The following LPP variants were observed in gnomAD, a reference collection of about 807,000 sequenced individuals.
LPP encodes lipoma-preferred partner.
In LPP, 38 loss-of-function variants were observed where a neutral mutation model predicts 60.4. The observed-to-expected ratio is 0.63, with a 90% CI of 0.49 to 0.83. LPP has a LOEUF of 0.83. Among genes scored for constraint, LPP ranks in the 40% least tolerant of loss-of-function variants. LPP has a pLI of 0.00. For missense variants in LPP, 902 were observed against 783.6 expected, an observed-to-expected ratio of 1.15 and a Z score of -1.80; for synonymous variants, 328 against 290.8, an observed-to-expected ratio of 1.13 and a Z score of -1.30.
rs759741756 is a variant in LPP at position 188,487,075 on chromosome 3, C to T, written c.306+2371C>T. Among the ~76,000 whole-genome samples the T allele has an allele frequency of 1.4e-4, 22 of 152,132 alleles. 1 individual carries two copies. Among genetic ancestry groups the T allele is most frequent in the Non-Finnish European group, 2.6e-4 (18 of 68,012 alleles). The stretch of plus-strand genomic sequence containing the variant: ...TGTTGCATTTTAAATCTTTAGTTCT[C>T]ACAATGTTATTTGAAGTAGTGACAG... On this transcript the variant is annotated intron_variant, in intron 5 of 11. Transcript: ENST00000617246.
chr3:188,428,580 CTA>C (rs5855196), intron 4 of LPP, among the ~76,000 whole-genome samples: 19 of 137,432 alleles, frequency 1.4e-4, no homozygotes, highest in Admixed American at 3.7e-4. Context: ...GGGATGGGCA[CTA>C]TATATATATA....
intron 3 of LPP, among the ~76,000 whole-genome samples, chr3:188,344,807 C>G (rs1348236516): frequency 6.6e-6 from 1 of 152,152 alleles, no homozygotes; most frequent in Admixed American, 6.5e-5. Flanking sequence ...ACTTGCAATT[C>G]CTTGTTAGGA....
At chr3:188,453,355 G>C (rs907642887) in intron 4 of LPP, among the ~76,000 whole-genome samples, 1 of 152,058 alleles carries the variant, frequency 6.6e-6, no homozygotes, top group Non-Finnish European at 1.5e-5. Flanking sequence ...CCAGGCTGGA[G>C]TGTAGACCTG....
chr3:188,214,329 C>T lies in LPP; in HGVS notation c.-189-11076C>T, dbSNP rs571341766. On this transcript the variant is annotated intron_variant, in intron 1 of 11. Coordinates refer to ENST00000617246, the MANE Select transcript of LPP (RefSeq NM_001375462.1). Reference sequence around the variant, plus strand: ...TATTTTTAGTAGAGACAGGGTTTCACCACGTTGGCCAGGCTGGTCTCAAAC... The same window carrying T: ...TATTTTTAGTAGAGACAGGGTTTCATCACGTTGGCCAGGCTGGTCTCAAAC... Among the ~76,000 whole-genome samples the T allele has an allele frequency of 1.7e-4, 26 of 152,192 alleles. No individual in the cohort carries two copies. The South Asian group carries it at 3.5e-3, about 21-fold the overall frequency.
At chr3:188,823,719 A>C (rs1167825381) in intron 9 of LPP, among the ~76,000 whole-genome samples, 1 of 152,208 alleles carries the variant, frequency 6.6e-6, no homozygotes, top group East Asian at 1.9e-4. Context: ...TCAGTTGGTA[A>C]AGATTCTATT....
intron 2 of LPP, among the ~76,000 whole-genome samples, chr3:188,336,747 G>A (rs1357547484): frequency 6.6e-6 from 1 of 152,124 alleles, no homozygotes; most frequent in Non-Finnish European, 1.5e-5. Flanking sequence ...CAGCGTATTA[G>A]AGTTGTTTTC....
intron 6 of LPP, among the ~76,000 whole-genome samples, chr3:188,551,238 G>A (rs1395013891): frequency 6.6e-6 from 1 of 152,142 alleles, no homozygotes. Flanking sequence ...GAGAGAAAAT[G>A]AGGACGATGC....
chr3:188,237,612 A>G lies in LPP; in HGVS notation c.-67+12085A>G, dbSNP rs75143977. Among the ~76,000 whole-genome samples, 197 of 152,308 alleles carry G rather than the reference A, an allele frequency of 1.3e-3. 1 individual carries two copies. Among genetic ancestry groups the G allele is most frequent in the African/African-American group, 4.5e-3 (189 of 41,562 alleles). ...AACATTAATCTCTTTGTATATCTCC[A>G]TCAGAGATCTTGTGTGACCAGGTAT... is the stretch of plus-strand genomic sequence containing the variant. On this transcript the variant is annotated intron_variant, in intron 2 of 11. Transcript: ENST00000617246.
chr3:188,459,868 G>A (rs949724145), intron 4 of LPP, among the ~76,000 whole-genome samples: 1 of 152,014 alleles, frequency 6.6e-6, no homozygotes, highest in Admixed American at 6.6e-5. Flanking sequence ...CTGAGATCAG[G>A]AGAATGCCCT....
chr3:188,479,392 T>C (rs1230446028), intron 4 of LPP, among the ~76,000 whole-genome samples: 1 of 152,220 alleles, frequency 6.6e-6, no homozygotes, highest in Admixed American at 6.5e-5. Flanking sequence ...AAATGCAGAA[T>C]CTCTGGCTCC....
In LPP at chr3:188,882,299, C is replaced by G. The variant is rs1218033376; in HGVS notation, c.*7820C>G. 2 of 224,708 alleles carry G rather than the reference C, an allele frequency of 8.9e-6. No homozygotes were observed. Among genetic ancestry groups the G allele is most frequent in the Non-Finnish European group, 1.8e-5 (2 of 112,882 alleles). The allele number at this position is 224,708 out of a possible 1,614,324, so 13.9% of individuals were successfully genotyped here. On this transcript the variant is annotated 3_prime_UTR_variant, in exon 12 of 12. Coordinates refer to ENST00000617246, the MANE Select transcript of LPP (RefSeq NM_001375462.1). ...ACAACAGGGAAACATGGGCTATACT[C>G]AGAGAAGACCCTCTGCATTGGCCAA...
rs575648540 is a variant in LPP, at chr3:188,281,468, A to G, written c.-67+55941A>G. On this transcript the variant is annotated intron_variant, in intron 2 of 11. Coordinates refer to ENST00000617246, the MANE Select transcript of LPP (RefSeq NM_001375462.1). ...AATACAGAAATATTAGCCAAGCATG[A>G]TGGTTCGTGCCTGTAATCCCAGCTA... Among the ~76,000 whole-genome samples, 4 of 151,378 alleles carry G rather than the reference A, an allele frequency of 2.6e-5. No homozygotes were observed. In the South Asian group the frequency reaches 8.4e-4, roughly 32 times the overall value.
chr3:188,196,019 G>A (rs547871482), intron 1 of LPP, among the ~76,000 whole-genome samples: 69 of 152,220 alleles, frequency 4.5e-4, no homozygotes, highest in African/African-American at 1.5e-3. Context: ...AGTTGTTCTT[G>A]TCCGGGTCTA....
intron 7 of LPP, among the ~76,000 whole-genome samples, chr3:188,649,892 C>A (rs946416377): frequency 7.9e-5 from 12 of 152,156 alleles, no homozygotes; most frequent in Non-Finnish European, 1.5e-5. Context: ...TAGGTAAATT[C>A]TTCCTGAGGG....
chr3:188,281,683 T>G lies in LPP; in HGVS notation c.-67+56156T>G, dbSNP rs1468798932. ...TAGGGAAGGGGAAAATTTGTGACCA[T>G]TTTTGCAACTTTCCAAACTCCTTTC... On this transcript the variant is annotated intron_variant, in intron 2 of 11. Transcript: ENST00000617246. 2.0e-5 allele frequency among the ~76,000 whole-genome samples: 3 copies of G among 150,598 alleles called. No homozygotes were observed. In the East Asian group the frequency reaches 5.8e-4, roughly 29 times the overall value.
chr3:188,517,866 A>G (rs1178632168), intron 5 of LPP, among the ~76,000 whole-genome samples: 2 of 152,172 alleles, frequency 1.3e-5, no homozygotes, highest in African/African-American at 2.4e-5. Flanking sequence ...AGGGACACAG[A>G]GCAAAACTGT....
At chr3:188,430,681 T>C (rs1231874796) in intron 4 of LPP, among the ~76,000 whole-genome samples, 1 of 152,174 alleles carries the variant, frequency 6.6e-6, no homozygotes, top group Non-Finnish European at 1.5e-5. Flanking sequence ...GAAGCAGCAC[T>C]GGCAAGATTA....
At chr3:188,429,314 C>T (rs1790307762) in intron 4 of LPP, among the ~76,000 whole-genome samples, 1 of 152,024 alleles carries the variant, frequency 6.6e-6, no homozygotes, top group African/African-American at 2.4e-5. Context: ...GAAAATGCAC[C>T]TTAAAATGCC....
intron 9 of LPP, among the ~76,000 whole-genome samples, chr3:188,811,663 T>C (rs1170660185): frequency 6.6e-6 from 1 of 151,934 alleles, no homozygotes; most frequent in Non-Finnish European, 1.5e-5. Flanking sequence ...TCCAAAACTG[T>C]CTTGGGGTCG....
Sources: gnomAD v4.1 joint callset for allele counts (sites outside exome capture counted in the v4.1 genomes callset) on GRCh38, gnomAD v4.1.1 for gene constraint, MANE v1.5 for transcripts, NCBI Gene and HGNC (gene_info 2026-07-23, HGNC 2026-07-21) for gene names.